The following C6 variants were observed in gnomAD, a reference collection of about 807,000 sequenced individuals.
C6 encodes the protein complement component C6.
In C6, 101 loss-of-function variants were observed where a neutral mutation model predicts 112.9. That is an observed-to-expected ratio of 0.89 (90% CI 0.76 to 1.06). The LOEUF (loss-of-function observed/expected upper bound fraction) is 1.06, where lower values mean the gene tolerates loss of function less well. C6 is among the 50% of genes least tolerant of loss of function. The pLI is 0.00. For missense variants in C6, 1,202 were observed against 1,104.6 expected (o/e 1.09, Z -1.25); for synonymous variants, 431 against 384.1 (o/e 1.12, Z -1.43).
intron 9 of C6, among the ~76,000 whole-genome samples, chr5:41,163,812 A>G (rs1747751589): frequency 1.3e-5 from 2 of 152,254 alleles, no homozygotes; most frequent in African/African-American, 4.8e-5. Flanking sequence ...TAAAAATGAT[A>G]TAATTACAGA....
intron 1 of C6, among the ~76,000 whole-genome samples, chr5:41,224,217 T>G (rs1739345893): frequency 6.6e-6 from 1 of 152,166 alleles, no homozygotes; most frequent in African/African-American, 2.4e-5. Flanking sequence ...AGCAGTTTTC[T>G]TTTTTTCTCT....
intron 15 of C6, among the ~76,000 whole-genome samples, chr5:41,150,732 C>A (rs529850354): frequency 2.6e-5 from 4 of 151,940 alleles, no homozygotes; most frequent in African/African-American, 7.2e-5. Flanking sequence ...ACTAAAAATA[C>A]CAAAATTAGC....
At position 41,176,463 on chromosome 5, in the gene C6, G is replaced by A. The variant is rs1419930128; in HGVS notation, c.1168+12C>T. The A allele has an allele frequency of 6.2e-7, 1 of 1,612,736 alleles. No homozygotes were observed. The highest frequency in any genetic ancestry group is 2.2e-5 in the East Asian group (1 of 44,758). Reference sequence around the variant, plus strand: ...ATACCAGTTAAAAAGAGTGAGGACTGAAGAAAGTTACCTGAGTTCTTTAGT... The same window carrying A: ...ATACCAGTTAAAAAGAGTGAGGACTAAAGAAAGTTACCTGAGTTCTTTAGT... On this transcript the variant is annotated intron_variant, in intron 8 of 17. Coordinates refer to ENST00000337836, the MANE Select transcript of C6 (RefSeq NM_000065.5).
At chr5:41,213,349 T>C (rs769942260) in intron 1 of C6, 27 bp downstream of exon 1, 29 of 926,014 alleles carry the variant, frequency 3.1e-5, no homozygotes, top group Non-Finnish European at 3.6e-5. Flanking sequence ...ATATTAAGAT[T>C]GAAAATGAAA....
At chr5:41,228,165 A>C (rs1352801203) in intron 1 of C6, among the ~76,000 whole-genome samples, 1 of 152,010 alleles carries the variant, frequency 6.6e-6, no homozygotes, top group Non-Finnish European at 1.5e-5. Context: ...TATAGTTTTC[A>C]GTATACAGCT....
At chr5:41,256,443 T>TG (rs35573160) in intron 1 of C6, among the ~76,000 whole-genome samples, 1 of 122,908 alleles carries the variant, frequency 8.1e-6, no homozygotes, top group African/African-American at 3.1e-5. Context: ...AAAAAAAAAG[T>TG]AAAAAAAAAA....
intron 1 of C6, among the ~76,000 whole-genome samples, chr5:41,206,286 T>C (rs1032260555): frequency 5.9e-5 from 9 of 152,166 alleles, no homozygotes; most frequent in Non-Finnish European, 1.3e-4. Flanking sequence ...GCAGAAAAGC[T>C]GAAAATTCTA....
At chr5:41,193,133 G>A (rs920645260) in intron 5 of C6, among the ~76,000 whole-genome samples, 1 of 152,122 alleles carries the variant, frequency 6.6e-6, no homozygotes, top group Non-Finnish European at 1.5e-5. Flanking sequence ...GCATAACAGC[G>A]AGGACTAAAA....
chr5:41,231,665 CATTTATTTTTTTA>C (rs1189548691), intron 1 of C6, among the ~76,000 whole-genome samples: 1 of 151,820 alleles, frequency 6.6e-6, no homozygotes, highest in African/African-American at 2.4e-5. Flanking sequence ...TCCATTTTGA[CATTTATTTTTTTA>C]AAGTACTAAT....
intron 2 of C6, among the ~76,000 whole-genome samples, chr5:41,202,681 C>T (rs1751120988): frequency 6.6e-6 from 1 of 152,058 alleles, no homozygotes; most frequent in Admixed American, 6.5e-5. Flanking sequence ...TTTGTATATG[C>T]CAACAATCAA....
chr5:41,190,075 G>A (rs1000011097), intron 5 of C6, among the ~76,000 whole-genome samples: 3 of 152,136 alleles, frequency 2.0e-5, no homozygotes, highest in Non-Finnish European at 2.9e-5. Context: ...TAAACTTAGG[G>A]ATGCAGATAT....
At chr5:41,236,759 A>C (rs1332479692) in intron 1 of C6, among the ~76,000 whole-genome samples, 8 of 141,634 alleles carry the variant, frequency 5.6e-5, no homozygotes, top group African/African-American at 1.1e-4. Flanking sequence ...AGACACAAAA[A>C]ATCCTTCAAA....
chr5:41,180,778 G>A (rs1472586484), intron 7 of C6, among the ~76,000 whole-genome samples: 1 of 150,718 alleles, frequency 6.6e-6, no homozygotes, highest in Admixed American at 6.6e-5. Flanking sequence ...GGCAGGCAAT[G>A]TTAGATACAA....
intron 1 of C6, among the ~76,000 whole-genome samples, chr5:41,257,156 G>A (rs2150445162): frequency 6.6e-6 from 1 of 152,118 alleles, no homozygotes; most frequent in Admixed American, 6.5e-5. Context: ...GTAGTTTTTT[G>A]ACCTTTACAC....
Position 41,201,649 on chromosome 5 carries a change from G to T in C6, c.209C>A (p.Thr70Asn). The change falls in exon 3 of 18, where the codon ACT becomes AAT. Residue 70 changes from threonine (T) to asparagine (N), a missense_variant. Coordinates refer to ENST00000337836, the MANE Select transcript of C6 (RefSeq NM_000065.5). ...FCEQICSKQETRECNWQRCPI... is the reference protein window; with the variant it reads ...FCEQICSKQENRECNWQRCPI... ...GCATCTTTGCCAGTTACATTCTCTAGTCTCCTGCTTGCTGCAAATCTGTTC... is the reference window on the plus strand; with the variant it reads ...GCATCTTTGCCAGTTACATTCTCTATTCTCCTGCTTGCTGCAAATCTGTTC... 2.5e-6 allele frequency: 4 copies of T among 1,613,414 alleles called. No individual in the cohort carries two copies. Among genetic ancestry groups the T allele is most frequent in the Non-Finnish European group, 3.4e-6 (4 of 1,179,760 alleles).
At chr5:41,242,894 T>A (rs1433572135) in intron 1 of C6, among the ~76,000 whole-genome samples, 1 of 148,118 alleles carries the variant, frequency 6.8e-6, no homozygotes, top group African/African-American at 2.5e-5. Flanking sequence ...CCAAGTACAG[T>A]AAAAAAAAAA....
chr5:41,217,436 G>A (rs973325939), upstream of C6, among the ~76,000 whole-genome samples: 1 of 152,084 alleles, frequency 6.6e-6, no homozygotes, highest in Non-Finnish European at 1.5e-5. Context: ...TACACACAAA[G>A]AGTTTGTGAG....
At chr5:41,161,558 A>G in intron 10 of C6, 135 bp downstream of exon 10, 2 of 767,832 alleles carry the variant, frequency 2.6e-6, no homozygotes, top group Non-Finnish European at 4.6e-6. Flanking sequence ...AAAAAGGTAC[A>G]TTGTGCATGA....
In C6 at chr5:41,158,807, G is replaced by A. The variant is rs76410478; in HGVS notation, c.1857-22C>T. 2,859 of 1,311,824 alleles carry A rather than the reference G, an allele frequency of 2.2e-3. 85 individuals carry two copies. In the East Asian group the frequency reaches 0.057, roughly 26 times the overall value. 81.3% of individuals were successfully genotyped at this position (1,311,824 alleles called of 1,614,324 possible). On this transcript the variant is annotated intron_variant, in intron 12 of 17. Transcript: ENST00000337836. The stretch of plus-strand genomic sequence containing the variant: ...TCCACTAAAAGGGAAACATAAATAT[G>A]TGTGTATATGTATGTATGTACACAC...
Sources: gnomAD v4.1 joint callset for allele counts (sites outside exome capture counted in the v4.1 genomes callset) on GRCh38, gnomAD v4.1.1 for gene constraint, MANE v1.5 for transcripts, NCBI Gene and HGNC (gene_info 2026-07-23, HGNC 2026-07-21) for gene names.